The following CCDC102B variants were observed in gnomAD, a reference collection of about 807,000 sequenced individuals.
CCDC102B encodes coiled-coil domain containing 102B.
Under a neutral mutation model 57.4 loss-of-function variants are expected in CCDC102B, and 75 were observed. The ratio of observed to expected loss-of-function variants is 1.31; its 90% CI spans 1.08 to 1.58. The LOEUF (loss-of-function observed/expected upper bound fraction) is 1.58. Among genes scored for constraint, CCDC102B ranks in the 40% most tolerant of loss-of-function variants. The probability of loss-of-function intolerance (pLI) is 0.00; values close to 1 mark genes in which losing one functional copy is unlikely to be tolerated. For missense variants in CCDC102B, 636 were observed against 582.6 expected (o/e 1.09, Z -0.94); for synonymous variants, 206 against 201.9 (o/e 1.02, Z -0.17).
At chr18:68,763,213 G>A (rs1599424878) in intron 2 of CCDC102B, among the ~76,000 whole-genome samples, 1 of 151,986 alleles carries the variant, frequency 6.6e-6, no homozygotes, top group Non-Finnish European at 1.5e-5. Flanking sequence ...TTTTTTAAAT[G>A]AATCATCTCC....
chr18:68,998,552 A>C (rs1201413566), intron 6 of CCDC102B, among the ~76,000 whole-genome samples: 1 of 150,388 alleles, frequency 6.6e-6, no homozygotes, highest in African/African-American at 2.4e-5. Context: ...GGCCGTCTGC[A>C]AGCTGAGGAG....
chr18:69,028,644 C>A (rs2145437867), intron 7 of CCDC102B, among the ~76,000 whole-genome samples: 1 of 152,126 alleles, frequency 6.6e-6, no homozygotes, highest in African/African-American at 2.4e-5. Context: ...CACACACACA[C>A]ACACACACAA....
At chr18:69,028,328 G>A (rs561944478) in intron 7 of CCDC102B, among the ~76,000 whole-genome samples, 2 of 152,278 alleles carry the variant, frequency 1.3e-5, no homozygotes, top group Admixed American at 1.3e-4. Flanking sequence ...GTTTCAAGAC[G>A]GAATGATATT....
chr18:68,779,521 CAATA>C (rs1386172374), intron 2 of CCDC102B, among the ~76,000 whole-genome samples: 1 of 150,562 alleles, frequency 6.6e-6, no homozygotes, highest in African/African-American at 2.4e-5. Context: ...CATAGAAATT[CAATA>C]ATGTACATCA....
At chr18:69,036,200 T>C (rs555891757) in intron 7 of CCDC102B, among the ~76,000 whole-genome samples, 5 of 152,240 alleles carry the variant, frequency 3.3e-5, no homozygotes, top group Admixed American at 3.3e-4. Context: ...TTCTATTGTG[T>C]TATATTTTAT....
intron 2 of CCDC102B, among the ~76,000 whole-genome samples, chr18:68,732,350 TC>T (rs2032913675): frequency 1.4e-5 from 2 of 144,488 alleles, no homozygotes; most frequent in Non-Finnish European, 1.5e-5. Context: ...TTTTTTTTTC[TC>T]TCTCTCTTTT....
chr18:68,885,046 TA>T (rs1245214903), intron 5 of CCDC102B, among the ~76,000 whole-genome samples: 4 of 152,018 alleles, frequency 2.6e-5, no homozygotes, highest in African/African-American at 7.2e-5. Context: ...AGAAGTAGAT[TA>T]AAAGCCCTCT....
intron 6 of CCDC102B, among the ~76,000 whole-genome samples, chr18:68,949,726 GT>G (rs2049642350): frequency 6.6e-6 from 1 of 151,984 alleles, no homozygotes; most frequent in Non-Finnish European, 1.5e-5. Flanking sequence ...TATCCTACAT[GT>G]TTTTTCGTCT....
intron 4 of CCDC102B, among the ~76,000 whole-genome samples, chr18:68,865,703 T>C (rs1277170196): frequency 6.6e-6 from 1 of 152,182 alleles, no homozygotes; most frequent in African/African-American, 2.4e-5. Context: ...GTGGGAGTAC[T>C]TAACAGAGAG....
chr18:68,825,653 C>G (rs2036878429), intron 1 of CCDC102B, among the ~76,000 whole-genome samples: 1 of 152,062 alleles, frequency 6.6e-6, no homozygotes, highest in South Asian at 2.1e-4. Flanking sequence ...TCACTCCACT[C>G]TACTCCAGCC....
intron 2 of CCDC102B, among the ~76,000 whole-genome samples, chr18:68,734,350 G>A (rs1336986725): frequency 6.6e-6 from 1 of 152,306 alleles, no homozygotes; most frequent in East Asian, 1.9e-4. Context: ...CGTTAGGGGT[G>A]TAGAGATTAG....
At chr18:69,030,809 C>A (rs2052120443) in intron 7 of CCDC102B, among the ~76,000 whole-genome samples, 1 of 152,102 alleles carries the variant, frequency 6.6e-6, no homozygotes, top group African/African-American at 2.4e-5. Context: ...TGTACACCAC[C>A]ACGCCCGGAT....
intron 7 of CCDC102B, chr18:69,011,305 G>A: frequency 1.8e-6 from 1 of 547,802 alleles, no homozygotes; most frequent in Non-Finnish European, 3.2e-6. Flanking sequence ...AATAGTATAT[G>A]TTTTACGAGT....
At chr18:69,013,105 A>G (rs1471921571) in intron 7 of CCDC102B, among the ~76,000 whole-genome samples, 1 of 152,170 alleles carries the variant, frequency 6.6e-6, no homozygotes, top group East Asian at 1.9e-4. Context: ...AATAGCAGCC[A>G]TATAGAATCA....
intron 1 of CCDC102B, among the ~76,000 whole-genome samples, chr18:68,812,128 G>T (rs2036289724): frequency 6.6e-6 from 1 of 152,084 alleles, no homozygotes; most frequent in South Asian, 2.1e-4. Flanking sequence ...TAAAAACCTT[G>T]CTAAAGCTAT....
At chr18:68,986,189 A>G (rs1474309659) in intron 6 of CCDC102B, among the ~76,000 whole-genome samples, 1 of 152,190 alleles carries the variant, frequency 6.6e-6, no homozygotes, top group Non-Finnish European at 1.5e-5. Flanking sequence ...AATCTGGTAG[A>G]GATACAATGA....
chr18:68,827,158 C>T (rs182755883), intron 1 of CCDC102B, among the ~76,000 whole-genome samples: 3 of 151,776 alleles, frequency 2.0e-5, no homozygotes, highest in East Asian at 1.9e-4. Flanking sequence ...CGAGAACTAC[C>T]CTTAAAAATT....
At chr18:68,752,479 GAA>G (rs72175132) in intron 2 of CCDC102B, among the ~76,000 whole-genome samples, 13,300 of 137,704 alleles carry the variant, frequency 0.097, 744 homozygotes, top group Middle Eastern at 0.17. Flanking sequence ...GAAAATGTCT[GAA>G]AAAAAAAAAA....
chr18:69,031,525 A>T (rs1360859554), intron 7 of CCDC102B, among the ~76,000 whole-genome samples: 2 of 149,024 alleles, frequency 1.3e-5, no homozygotes, highest in Non-Finnish European at 1.5e-5. Flanking sequence ...AATTTGGGGT[A>T]TCTAATTTTT....
Sources: allele counts gnomAD v4.1 joint callset (sites outside exome capture counted in the v4.1 genomes callset), GRCh38; gene constraint gnomAD v4.1.1; transcripts MANE v1.5; gene names NCBI Gene and HGNC (gene_info 2026-07-23, HGNC 2026-07-21).